Variants in UBE2E2 observed in about 807,000 individuals in gnomAD.
The protein encoded by UBE2E2 is ubiquitin conjugating enzyme E2 E2, also known as ubiquitin-conjugating enzyme E2 E2.
Under a neutral mutation model 24.7 loss-of-function variants are expected in UBE2E2, and 6 were observed. The ratio of observed to expected loss-of-function variants is 0.24; its 90% CI spans 0.13 to 0.48. The LOEUF is 0.48. Ranked by LOEUF, UBE2E2 falls within the 20% of genes least tolerant of loss-of-function variation. The probability of loss-of-function intolerance (pLI) is 0.99; values close to 1 mark genes in which losing one functional copy is unlikely to be tolerated. For missense variants in UBE2E2, 169 were observed against 245.0 expected (o/e 0.69, Z 2.07); for synonymous variants, 104 against 83.6 (o/e 1.24, Z -1.33).
chr3:23,353,350 A>G (rs895340845), intron 3 of UBE2E2, among the ~76,000 whole-genome samples: 4 of 151,618 alleles, frequency 2.6e-5, no homozygotes, highest in Non-Finnish European at 4.4e-5. Flanking sequence ...CTCTCTCACC[A>G]CTCCTATTCA....
At chr3:23,485,843 T>C (rs913510190) in intron 3 of UBE2E2, among the ~76,000 whole-genome samples, 3 of 152,178 alleles carry the variant, frequency 2.0e-5, no homozygotes, top group Non-Finnish European at 4.4e-5. Context: ...ACAGCTGGTA[T>C]AGAAAATGGA....
intron 3 of UBE2E2, among the ~76,000 whole-genome samples, chr3:23,401,337 G>A (rs1288356955): frequency 6.6e-6 from 1 of 152,138 alleles, no homozygotes; most frequent in Non-Finnish European, 1.5e-5. Context: ...GCAGCTACTG[G>A]TTATTGACTC....
At chr3:23,233,968 T>A (rs571154996) in intron 3 of UBE2E2, among the ~76,000 whole-genome samples, 1 of 152,346 alleles carries the variant, frequency 6.6e-6, no homozygotes, top group East Asian at 1.9e-4. Context: ...AAATGTTTGG[T>A]AAATATTTAT....
chr3:23,328,419 A>T (rs1694966305), intron 3 of UBE2E2, among the ~76,000 whole-genome samples: 1 of 152,222 alleles, frequency 6.6e-6, no homozygotes, highest in African/African-American at 2.4e-5. Flanking sequence ...TCAACATTTT[A>T]TTTAAAATAA....
chr3:23,423,053 T>C (rs1697842119), intron 3 of UBE2E2, among the ~76,000 whole-genome samples: 1 of 152,204 alleles, frequency 6.6e-6, no homozygotes, highest in Non-Finnish European at 1.5e-5. Context: ...TGAAGGTTCA[T>C]TGGTTTACAG....
rs1206361342 is a variant in UBE2E2, at chr3:23,583,556, A to G, written c.509-6178A>G. Among the ~76,000 whole-genome samples the G allele has an allele frequency of 2.0e-5, 3 of 152,104 alleles. No homozygotes were observed. ...TTTAACAAACTTCTTCCTTTCCATG[A>G]GCTTGGAATGTTTTTCCATTTGTTT... On this transcript the variant is annotated intron_variant, in intron 5 of 5. Transcript: ENST00000396703. The surrounding 1 kb of genome is among the most constrained non-coding windows in gnomAD (Gnocchi z 4.1).
At chr3:23,217,358 T>C in intron 3 of UBE2E2, 46 bp downstream of exon 3, 1 of 1,569,168 alleles carries the variant, frequency 6.4e-7, no homozygotes, top group Non-Finnish European at 8.8e-7. Context: ...TTGCAGAAGG[T>C]GCATTTGAAC....
chr3:23,367,058 C>T (rs1198359743), intron 3 of UBE2E2, among the ~76,000 whole-genome samples: 1 of 152,160 alleles, frequency 6.6e-6, no homozygotes, highest in African/African-American at 2.4e-5. Flanking sequence ...TTTATCCTGT[C>T]ATTATCCTTT....
chr3:23,465,044 T>A (rs1038893315), intron 3 of UBE2E2, among the ~76,000 whole-genome samples: 1 of 152,224 alleles, frequency 6.6e-6, no homozygotes, highest in Non-Finnish European at 1.5e-5. Context: ...AATTTTTGTG[T>A]CAAAGAGATG....
intron 3 of UBE2E2, among the ~76,000 whole-genome samples, chr3:23,301,827 A>T (rs553184063): frequency 6.6e-6 from 1 of 152,240 alleles, no homozygotes; most frequent in Non-Finnish European, 1.5e-5. Flanking sequence ...GAAATGCAGA[A>T]ATCACCAGTC....
At chr3:23,397,044 A>G (rs184376946) in intron 3 of UBE2E2, among the ~76,000 whole-genome samples, 1 of 152,190 alleles carries the variant, frequency 6.6e-6, no homozygotes, top group Admixed American at 6.5e-5. Flanking sequence ...CCAGTGTATG[A>G]TTATGCCCAT....
intron 3 of UBE2E2, among the ~76,000 whole-genome samples, chr3:23,349,561 A>C (rs1308872276): frequency 6.6e-6 from 1 of 152,176 alleles, no homozygotes; most frequent in East Asian, 1.9e-4. Flanking sequence ...GGCTTAAAAA[A>C]CGGCGCACCA....
chr3:23,246,719 G>A (rs989606722), intron 3 of UBE2E2, among the ~76,000 whole-genome samples: 1 of 151,748 alleles, frequency 6.6e-6, no homozygotes, highest in Non-Finnish European at 1.5e-5. Context: ...GGTTATTATC[G>A]GTTAAAAATG....
chr3:23,293,245 A>G (rs1005938375), intron 3 of UBE2E2, among the ~76,000 whole-genome samples: 1 of 152,146 alleles, frequency 6.6e-6, no homozygotes, highest in South Asian at 2.1e-4. Flanking sequence ...CCCTACCCCA[A>G]TTCTGTTTCA....
chr3:23,476,899 G>C (rs1430275404), intron 3 of UBE2E2, among the ~76,000 whole-genome samples: 1 of 152,038 alleles, frequency 6.6e-6, no homozygotes, highest in African/African-American at 2.4e-5. Flanking sequence ...GAGTCCCAGA[G>C]TATTTCCATT....
intron 1 of UBE2E2, among the ~76,000 whole-genome samples, chr3:23,205,522 A>G (rs1018737675): frequency 2.6e-5 from 4 of 152,152 alleles, no homozygotes; most frequent in African/African-American, 7.2e-5. Flanking sequence ...ATTTTTTTCT[A>G]TACTTTTTCT....
At chr3:23,421,580 G>A (rs559348747) in intron 3 of UBE2E2, among the ~76,000 whole-genome samples, 7 of 152,246 alleles carry the variant, frequency 4.6e-5, no homozygotes, top group East Asian at 3.9e-4. Context: ...CTAATTTTTT[G>A]TATTTTTAGT....
chr3:23,343,195 A>C (rs974678115), intron 3 of UBE2E2, among the ~76,000 whole-genome samples: 3 of 152,156 alleles, frequency 2.0e-5, no homozygotes, highest in African/African-American at 7.2e-5. Context: ...TTCATGAAAC[A>C]TTGTGACATG....
At chr3:23,300,262 T>G (rs1323904650) in intron 3 of UBE2E2, among the ~76,000 whole-genome samples, 7 of 152,160 alleles carry the variant, frequency 4.6e-5, no homozygotes, top group Middle Eastern at 3.4e-3. Context: ...GTCTTTTAAT[T>G]GGAGCATTTA....
Sources: allele counts gnomAD v4.1 joint callset (sites outside exome capture counted in the v4.1 genomes callset), GRCh38; gene constraint gnomAD v4.1.1; non-coding constraint Gnocchi (gnomAD v3.1); transcripts MANE v1.5; gene names NCBI Gene and HGNC (gene_info 2026-07-23, HGNC 2026-07-21).